FAM168B: variants seen among roughly 807,000 people sequenced by gnomAD.
FAM168B encodes the protein family with sequence similarity 168 member B.
FAM168B carries 19 observed loss-of-function variants against 21.8 expected under a neutral mutation model. The observed-to-expected ratio is 0.87, with a 90% confidence interval of 0.61 to 1.28. FAM168B has a LOEUF of 1.28. Among genes scored for constraint, FAM168B ranks in the 50% most tolerant of loss-of-function variants. The pLI, the probability that FAM168B is intolerant of heterozygous loss-of-function variation, is 0.00. For missense variants in FAM168B, 233 were observed against 263.1 expected (o/e 0.89, Z 0.79); for synonymous variants, 126 against 104.8 (o/e 1.20, Z -1.24).
At chr2:131,092,933 C>T (rs1573840104) in intron 1 of FAM168B, among the ~76,000 whole-genome samples, 1 of 152,148 alleles carries the variant, frequency 6.6e-6, no homozygotes, top group East Asian at 1.9e-4. Context: ...ACGGCTGTGA[C>T]CCCGACCTTT....
At chr2:131,063,259 T>G (rs1692394202) in intron 3 of FAM168B, among the ~76,000 whole-genome samples, 1 of 152,206 alleles carries the variant, frequency 6.6e-6, no homozygotes, top group African/African-American at 2.4e-5. Context: ...ATCTGAAATT[T>G]TTTACAATAA....
chr2:131,063,916 CAACAGGAACTT>C (rs1221842704), intron 3 of FAM168B, among the ~76,000 whole-genome samples: 4 of 151,754 alleles, frequency 2.6e-5, no homozygotes, highest in African/African-American at 9.7e-5. Flanking sequence ...CATAGTAACT[CAACAGGAACTT>C]CACAAACTTT....
chr2:131,083,863 T>C (rs929564023), intron 1 of FAM168B, among the ~76,000 whole-genome samples: 10 of 150,896 alleles, frequency 6.6e-5, no homozygotes, highest in Admixed American at 5.9e-4. Context: ...GTGGTCCTTT[T>C]GCAATTTCCT....
intron 2 of FAM168B, among the ~76,000 whole-genome samples, chr2:131,076,903 G>A (rs1011423484): frequency 3.4e-5 from 5 of 148,634 alleles, no homozygotes; most frequent in African/African-American, 1.2e-4. Context: ...ACTAACTTCC[G>A]ACTAGCAGAA....
At position 131,055,253 on chromosome 2, in the gene FAM168B, C is replaced by A; in HGVS notation, c.475+19G>T. On this transcript the variant is annotated intron_variant, in intron 5 of 6. Coordinates refer to ENST00000389915, the MANE Select transcript of FAM168B (RefSeq NM_001009993.4). ...CTAGGGTACACCATAGGACAGACAC[C>A]GCAGGAACGAGGACTTACCTGCTGA... is the stretch of plus-strand genomic sequence containing the variant. 1 of 1,527,344 alleles carries A rather than the reference C, an allele frequency of 6.5e-7. No homozygotes were observed. The highest frequency in any genetic ancestry group is 8.7e-7 in the Non-Finnish European group (1 of 1,143,108). 94.6% of individuals were successfully genotyped at this position (1,527,344 alleles called of 1,614,324 possible).
At chr2:131,085,673 G>A (rs1693656581) in intron 1 of FAM168B, among the ~76,000 whole-genome samples, 1 of 152,124 alleles carries the variant, frequency 6.6e-6, no homozygotes, top group Non-Finnish European at 1.5e-5. Context: ...GAATAAACTG[G>A]CAACTTTAGT....
At chr2:131,063,014 C>T (rs1483667984) in intron 3 of FAM168B, among the ~76,000 whole-genome samples, 1 of 152,142 alleles carries the variant, frequency 6.6e-6, no homozygotes, top group Non-Finnish European at 1.5e-5. Flanking sequence ...ATAAGATGGA[C>T]TGAAGGATGG....
intron 3 of FAM168B, among the ~76,000 whole-genome samples, chr2:131,055,897 G>A (rs886229346): frequency 6.6e-6 from 1 of 152,216 alleles, no homozygotes; most frequent in Admixed American, 6.5e-5. Flanking sequence ...GTGTGTGGTG[G>A]CAGGGTGTTG....
chr2:131,055,283 GCCATGGTGGTCCCAGCCACCATGC>G lies in FAM168B; in HGVS notation c.440_463del (p.Gly147_Met154del). 6.4e-7 allele frequency: 1 copy of G among 1,573,880 alleles called. No homozygotes were observed. Among genetic ancestry groups the G allele is most frequent in the Non-Finnish European group, 8.6e-7 (1 of 1,165,158 alleles). On this transcript the variant is annotated inframe_deletion, in exon 5 of 7. Coordinates refer to ENST00000389915, the MANE Select transcript of FAM168B (RefSeq NM_001009993.4). Reference sequence around the variant, plus strand: ...GAACGAGGACTTACCTGCTGACATGGCCATGGTGGTCCCAGCCACCATGCCCATGGTGACCCCGTTGCCTCTAGG... The same window carrying G: ...GAACGAGGACTTACCTGCTGACATGGCCATGGTGACCCCGTTGCCTCTAGG...
Position 131,050,548 on chromosome 2 carries a change from A to G in FAM168B, c.*1917T>C, listed in dbSNP as rs1368060787. The G allele has an allele frequency of 5.1e-6, 5 of 985,752 alleles. No homozygotes were observed. Among genetic ancestry groups the G allele is most frequent in the African/African-American group, 1.7e-5 (1 of 57,246 alleles). 61.1% of individuals were successfully genotyped at this position (985,752 alleles called of 1,614,324 possible). On this transcript the variant is annotated 3_prime_UTR_variant, in exon 7 of 7. Transcript: ENST00000389915. ...AAGTGCTCATGAAGCAATTTAAAGT[A>G]CTTATCAGTAAACATTCTATGTTAA...
chr2:131,056,402 C>T (rs1410710095), intron 3 of FAM168B, among the ~76,000 whole-genome samples: 2 of 152,124 alleles, frequency 1.3e-5, no homozygotes, highest in African/African-American at 2.4e-5. Flanking sequence ...TGAGCAGACT[C>T]GAGAAGAAGG....
chr2:131,092,359 A>C (rs1385778167), intron 1 of FAM168B, among the ~76,000 whole-genome samples: 1 of 151,256 alleles, frequency 6.6e-6, no homozygotes, highest in Non-Finnish European at 1.5e-5. Context: ...AAAATAACCC[A>C]CTCCTTCATC....
intron 4 of FAM168B, 41 bp downstream of exon 4, chr2:131,055,512 G>T: frequency 6.3e-7 from 1 of 1,599,220 alleles, no homozygotes; most frequent in Non-Finnish European, 8.5e-7. Flanking sequence ...CGCCCAGGTG[G>T]TATCACCCCT....
rs1022556698 is a variant in FAM168B, at chr2:131,051,857, T to C, written c.*608A>G. 6.1e-6 allele frequency: 6 copies of C among 985,236 alleles called. No homozygotes were observed. In the Admixed American group the frequency reaches 1.8e-4, roughly 30 times the overall value. The allele number at this position is 985,236 out of a possible 1,614,324, so 61.0% of individuals were successfully genotyped here. On this transcript the variant is annotated 3_prime_UTR_variant, in exon 7 of 7. Coordinates refer to ENST00000389915, the MANE Select transcript of FAM168B (RefSeq NM_001009993.4). ...AAGCAGCTGTGGCTTCCCTACTCTC[T>C]CCCAAACCTCGCAACTCCCTCCCAG...
chr2:131,050,982 T>C lies in FAM168B; in HGVS notation c.*1483A>G, dbSNP rs1454300435. The C allele has an allele frequency of 2.0e-6, 2 of 985,026 alleles. No individual in the cohort carries two copies. Among genetic ancestry groups the C allele is most frequent in the East Asian group, 1.1e-4 (1 of 8,816 alleles). The allele number at this position is 985,026 out of a possible 1,614,324, so 61.0% of individuals were successfully genotyped here. On this transcript the variant is annotated 3_prime_UTR_variant, in exon 7 of 7. Transcript: ENST00000389915. ...CACTCTCATGGATACAGGACGGGCATATTTTGGGGGCGGGGTGGAGGGAAG... is the reference window on the plus strand; with the variant it reads ...CACTCTCATGGATACAGGACGGGCACATTTTGGGGGCGGGGTGGAGGGAAG...
intron 1 of FAM168B, among the ~76,000 whole-genome samples, chr2:131,092,630 T>C (rs1694090664): frequency 6.6e-6 from 1 of 152,188 alleles, no homozygotes; most frequent in Non-Finnish European, 1.5e-5. Flanking sequence ...CATGTTCACA[T>C]ACACTATAAA....
chr2:131,062,621 T>C (rs1692360891), intron 3 of FAM168B, among the ~76,000 whole-genome samples: 1 of 152,204 alleles, frequency 6.6e-6, no homozygotes, highest in Admixed American at 6.5e-5. Flanking sequence ...CTAATTTTTG[T>C]ATTTTTAGTA....
chr2:131,052,327 C>T lies in FAM168B; in HGVS notation c.*138G>A, dbSNP rs185850363. ...CTAACGGCGCTGGGGCCTGCTGGGC[C>T]GGGATATAGTCGTGTTTAGCTAAGT... On this transcript the variant is annotated 3_prime_UTR_variant, in exon 7 of 7. Transcript: ENST00000389915. 1.6e-4 allele frequency: 154 copies of T among 985,992 alleles called. No homozygotes were observed. The highest frequency in any genetic ancestry group is 2.5e-4 in the Admixed American group (4 of 16,296). 61.1% of individuals were successfully genotyped at this position (985,992 alleles called of 1,614,324 possible).
intron 2 of FAM168B, among the ~76,000 whole-genome samples, chr2:131,081,356 C>T (rs545748153): frequency 9.1e-4 from 138 of 152,300 alleles, no homozygotes; most frequent in African/African-American, 3.0e-3. Context: ...AGGAAGCCCA[C>T]GCAACCTGGG....
Sources: allele counts gnomAD v4.1 joint callset (sites outside exome capture counted in the v4.1 genomes callset), GRCh38; gene constraint gnomAD v4.1.1; transcripts MANE v1.5; gene names NCBI Gene and HGNC (gene_info 2026-07-23, HGNC 2026-07-21).